SACS: variants seen among roughly 807,000 people sequenced by gnomAD.
SACS encodes the protein sacsin.
SACS carries 197 observed loss-of-function variants against 348.0 expected under a neutral mutation model. The ratio of observed to expected loss-of-function variants is 0.57; its 90% CI spans 0.50 to 0.64. The LOEUF is 0.64. Among genes scored for constraint, SACS ranks in the 30% least tolerant of loss-of-function variants. The pLI is 0.00. For missense variants in SACS, 4,999 were observed against 5,360.8 expected, an observed-to-expected ratio of 0.93 and a Z score of 2.11; for synonymous variants, 1,985 against 1,910.6, an observed-to-expected ratio of 1.04 and a Z score of -1.02.
chr13:23,413,631 T>C (rs2137970126), intron 1 of SACS, among the ~76,000 whole-genome samples: 1 of 152,336 alleles, frequency 6.6e-6, no homozygotes, highest in South Asian at 2.1e-4. Context: ...AGTTCTTGGA[T>C]GTTCATGAAA....
intron 2 of SACS, among the ~76,000 whole-genome samples, chr13:23,400,354 A>G (rs1254443230): frequency 6.6e-6 from 1 of 152,172 alleles, no homozygotes; most frequent in Non-Finnish European, 1.5e-5. Context: ...GACCCCTTAG[A>G]TAGGAATTTG....
At chr13:23,416,606 A>C (rs1383771306) in intron 1 of SACS, among the ~76,000 whole-genome samples, 1 of 151,694 alleles carries the variant, frequency 6.6e-6, no homozygotes, top group Non-Finnish European at 1.5e-5. Flanking sequence ...AAAAATACAA[A>C]ATTAGCTGGG....
Position 23,341,432 on chromosome 13 carries a change from A to G in SACS, c.2444T>C (p.Val815Ala), listed in dbSNP as rs766871588. ...TGGAATCCTGAGTCTAATGAGTTCCACACATGTCTGACCTTCCTCTAGTAT... is the reference window on the plus strand; with the variant it reads ...TGGAATCCTGAGTCTAATGAGTTCCGCACATGTCTGACCTTCCTCTAGTAT... ...RTILEEGQTC[V>A]ELIRLRIPSL... Residue 815 changes from valine to alanine, a missense_variant, in exon 10 of 10, where the codon GTG becomes GCG. By Grantham distance (64) the Val-to-Ala change is moderately conservative. Transcript: ENST00000382292. 1 of 1,614,066 alleles carries G rather than the reference A, an allele frequency of 6.2e-7. No individual in the cohort carries two copies. The highest frequency in any genetic ancestry group is 8.5e-7 in the Non-Finnish European group (1 of 1,179,998).
Position 23,338,888 on chromosome 13 carries a change from C to T in SACS, c.4988G>A (p.Cys1663Tyr), listed in dbSNP as rs749956289. 9.3e-6 allele frequency: 15 copies of T among 1,613,130 alleles called. No individual in the cohort carries two copies. Among genetic ancestry groups the T allele is most frequent in the Non-Finnish European group, 1.2e-5 (14 of 1,179,698 alleles). ...EAKVSEVSST[C>Y]YNTADIYSLV... ...AGAATAAATATCTGCTGTATTGTAG[C>T]ACGTACTACTAACTTCACTCACTTT... The change falls in exon 10 of 10, where the codon TGC becomes TAC. Residue 1663 changes from cysteine to tyrosine, a missense_variant. Transcript: ENST00000382292.
rs1203547121 is a variant in SACS at position 23,334,896 on chromosome 13, G to C, written c.8980C>G (p.Pro2994Ala). 3.1e-6 allele frequency: 5 copies of C among 1,613,704 alleles called. No homozygotes were observed. The highest frequency in any genetic ancestry group is 4.2e-6 in the Non-Finnish European group (5 of 1,179,830). ...CIHEDMKRLL[P>A]VVRAPNIDGS... ...TCAATATTTGGAGCCCGCACAACAG[G>C]TAAAAGACGTTTCATGTCTTCGTGA... The change falls in exon 10 of 10, where the codon CCT (proline) becomes GCT (alanine). Residue 2994 changes from proline (P) to alanine (A), a missense_variant. By Grantham distance (27) the Pro-to-Ala change is conservative (BLOSUM62 -1). This residue lies in a region of SACS where 734 missense variants were observed against 694.0 expected (regional missense o/e 1.06). Transcript: ENST00000382292.
chr13:23,349,598 A>G (rs951521341), intron 9 of SACS, among the ~76,000 whole-genome samples: 4 of 152,226 alleles, frequency 2.6e-5, no homozygotes, highest in African/African-American at 4.8e-5. Flanking sequence ...ATCTGCTGCA[A>G]TAACACAAAC....
intron 1 of SACS, among the ~76,000 whole-genome samples, chr13:23,422,695 G>C (rs1428379828): frequency 6.7e-6 from 1 of 149,246 alleles, no homozygotes; most frequent in African/African-American, 2.5e-5. Context: ...GTCTCACTCT[G>C]TCGCCCAGGC....
chr13:23,386,414 C>T (rs553204718), intron 2 of SACS, among the ~76,000 whole-genome samples: 194 of 152,354 alleles, frequency 1.3e-3, no homozygotes, highest in Non-Finnish European at 2.4e-3. Flanking sequence ...GAACCAACCT[C>T]TGGTAGCTTC....
At chr13:23,368,901 A>G (rs7983302) in intron 4 of SACS, among the ~76,000 whole-genome samples, 5,009 of 152,028 alleles carry the variant, frequency 0.033, 209 homozygotes, top group African/African-American at 0.1. Context: ...GGGTTTCACC[A>G]TGTTAGCCAG....
chr13:23,331,541 TTGTC>T lies in SACS; in HGVS notation c.12331_12334del (p.Asp4111IlefsTer2). 6.2e-7 allele frequency: 1 copy of T among 1,613,792 alleles called. No individual in the cohort carries two copies. The highest frequency in any genetic ancestry group is 2.2e-5 in the East Asian group (1 of 44,870). ...TAAATATGAAGTGTCAGAAATCAAATTGTCAGTTGCTGATTTAAGAGTCATTGCC... is the reference window on the plus strand; with the variant it reads ...TAAATATGAAGTGTCAGAAATCAAATAGTTGCTGATTTAAGAGTCATTGCC... On this transcript the variant is annotated frameshift_variant, in exon 10 of 10. Coordinates refer to ENST00000382292, the MANE Select transcript of SACS (RefSeq NM_014363.6). LOFTEE classifies it high-confidence loss of function.
At chr13:23,379,116 A>C (rs947447130) in intron 2 of SACS, among the ~76,000 whole-genome samples, 2 of 152,118 alleles carry the variant, frequency 1.3e-5, no homozygotes, top group Non-Finnish European at 2.9e-5. Flanking sequence ...CCTGGTAGTG[A>C]ATCGAGGGTG....
chr13:23,351,026 A>G (rs981260775), intron 9 of SACS, among the ~76,000 whole-genome samples: 8 of 152,134 alleles, frequency 5.3e-5, no homozygotes, highest in African/African-American at 1.2e-4. Flanking sequence ...TGCCACAGCT[A>G]TAATCTCCAA....
chr13:23,415,024 T>C lies in SACS; in HGVS notation c.-501-3284A>G, dbSNP rs115222161. ...AATCCAGTCTTTAATTTCATTTTTA[T>C]TTTTCTTTTCTTTTTTTTATTTTTT... On this transcript the variant is annotated intron_variant, in intron 1 of 9. Transcript: ENST00000382292. Among the ~76,000 whole-genome samples the C allele has an allele frequency of 4.8e-3, 732 of 152,290 alleles. 7 individuals carry two copies. Among genetic ancestry groups the C allele is most frequent in the African/African-American group, 0.016 (671 of 41,560 alleles).
At chr13:23,375,602 G>A (rs1871741718) in intron 2 of SACS, 3 of 1,004,116 alleles carry the variant, frequency 3.0e-6, no homozygotes, top group Non-Finnish European at 3.6e-6. Flanking sequence ...GCCGCCCGCG[G>A]GGACACGCCC....
At chr13:23,414,912 C>T (rs1201911931) in intron 1 of SACS, among the ~76,000 whole-genome samples, 1 of 152,258 alleles carries the variant, frequency 6.6e-6, no homozygotes, top group Non-Finnish European at 1.5e-5. Flanking sequence ...TTAAACATGA[C>T]ATGACTTGTC....
At position 23,355,831 on chromosome 13, in the gene SACS, A is replaced by T; in HGVS notation, c.781T>A (p.Phe261Ile). The change falls in exon 8 of 10, where the codon TTT becomes ATT. Residue 261 changes from phenylalanine to isoleucine, a missense_variant. Physicochemically the swap from Phe to Ile is conservative, Grantham distance 21. Around this residue, in one of 6 missense-constraint regions of SACS, gnomAD observed 3,156 missense variants for 3,380.1 expected, o/e 0.93. Transcript: ENST00000382292. ...VGIFGSTKET[F>I]INGNFPGTFF... ...GTTCCTGGAAAATTGCCGTTTATAA[A>T]TGTTTCCTTGGTGCTTCCAAAAATG... 1.2e-6 allele frequency: 2 copies of T among 1,614,226 alleles called. No homozygotes were observed. Among genetic ancestry groups the T allele is most frequent in the Admixed American group, 1.7e-5 (1 of 60,028 alleles).
chr13:23,335,977 T>G lies in SACS; in HGVS notation c.7899A>C (p.Thr2633=). The change falls in exon 10 of 10, where the codon ACA becomes ACC. Residue 2633 remains threonine, a synonymous_variant. Coordinates refer to ENST00000382292, the MANE Select transcript of SACS (RefSeq NM_014363.6). This position sits in a 1 kb window ranked among gnomAD's most constrained non-coding sequence, Gnocchi z 4.7. Reference sequence around the variant, plus strand: ...TGCCAGAAATAAAAGATGGGCAGTCTGTGATATGATACACAGAATTGAATC... The same window carrying G: ...TGCCAGAAATAAAAGATGGGCAGTCGGTGATATGATACACAGAATTGAATC... The part of the protein sequence containing the change: ...GIGFNSVYHI[T]DCPSFISGND... The G allele has an allele frequency of 6.2e-7, 1 of 1,613,042 alleles. No individual in the cohort carries two copies. The highest frequency in any genetic ancestry group is 8.5e-7 in the Non-Finnish European group (1 of 1,179,084).
intron 6 of SACS, among the ~76,000 whole-genome samples, chr13:23,359,229 G>A (rs1308193599): frequency 6.6e-6 from 1 of 152,014 alleles, no homozygotes; most frequent in African/African-American, 2.4e-5. Flanking sequence ...GCTATGTAAA[G>A]AAACTATGTG....
chr13:23,345,441 G>C (rs2137665012), intron 9 of SACS, among the ~76,000 whole-genome samples: 1 of 152,312 alleles, frequency 6.6e-6, no homozygotes, highest in East Asian at 1.9e-4. Context: ...AGCCAGGGTG[G>C]TTCAACATTA....
Sources: gnomAD v4.1 joint callset for allele counts (sites outside exome capture counted in the v4.1 genomes callset) on GRCh38, gnomAD v4.1.1 for gene constraint, gnomAD v4.1.1 regional missense constraint, Gnocchi (gnomAD v3.1) non-coding constraint, MANE v1.5 for transcripts, NCBI Gene and HGNC (gene_info 2026-07-23, HGNC 2026-07-21) for gene names.